Variants in NSMCE2 observed in about 807,000 individuals in gnomAD.
NSMCE2 encodes the protein NSE2 SUMO ligase component of SMC5/6 complex, also known as E3 SUMO-protein ligase NSE2.
Under a neutral mutation model 23.8 loss-of-function variants are expected in NSMCE2, and 24 were observed. That is an observed-to-expected ratio of 1.01 (90% CI 0.73 to 1.42). The LOEUF (loss-of-function observed/expected upper bound fraction) is 1.42. Ranked by LOEUF, NSMCE2 falls within the 40% of genes most tolerant of loss-of-function variation. The pLI is 0.00. For missense variants in NSMCE2, 284 were observed against 296.5 expected (o/e 0.96, Z 0.31); for synonymous variants, 92 against 94.1 (o/e 0.98, Z 0.13).
Position 125,299,804 on chromosome 8 carries a change from C to CTTTTTTTTTTTTTTT in NSMCE2, c.419-57402_419-57388dup, listed in dbSNP as rs58789139. Among the ~76,000 whole-genome samples, 21 of 70,264 alleles carry CTTTTTTTTTTTTTTT rather than the reference C, an allele frequency of 3.0e-4. 3 individuals carry two copies. The highest frequency in any genetic ancestry group is 1.1e-3 in the South Asian group (2 of 1,748). The allele number at this position is 70,264 out of a possible 152,430, so 46.1% of individuals were successfully genotyped here. A position where few individuals can be genotyped will look rare whatever the true frequency, so the allele number is the denominator to read the frequency against. ...ACCTTGACCTCATAATTTTGGCTTT[C>CTTTTTTTTTTTTTTT]TTTTTTTTTTTTTTTTTTTTTTTTT... On this transcript the variant is annotated intron_variant, in intron 5 of 7. Coordinates refer to ENST00000287437, the MANE Select transcript of NSMCE2 (RefSeq NM_173685.4).
intron 4 of NSMCE2, among the ~76,000 whole-genome samples, chr8:125,158,902 C>T (rs936953853): frequency 2.6e-5 from 4 of 152,280 alleles, no homozygotes; most frequent in African/African-American, 7.2e-5. Context: ...CATTTTTCAG[C>T]GTGGAGTTGA....
intron 3 of NSMCE2, among the ~76,000 whole-genome samples, chr8:125,105,279 C>G (rs544035370): frequency 4.9e-4 from 74 of 152,300 alleles, no homozygotes; most frequent in African/African-American, 1.6e-3. Context: ...TGTTTTAACC[C>G]TACCCAGTCT....
intron 5 of NSMCE2, among the ~76,000 whole-genome samples, chr8:125,328,650 A>G (rs1829764489): frequency 6.6e-6 from 1 of 152,200 alleles, no homozygotes; most frequent in Non-Finnish European, 1.5e-5. Flanking sequence ...CTGGTGCACA[A>G]ATTCTCAATG....
intron 1 of NSMCE2, among the ~76,000 whole-genome samples, chr8:125,093,556 A>ATAAG (rs202069533): frequency 6.6e-6 from 1 of 151,630 alleles, no homozygotes; most frequent in African/African-American, 2.4e-5. Context: ...AAATAAATAA[A>ATAAG]TAAGTAAATA....
intron 1 of NSMCE2, among the ~76,000 whole-genome samples, chr8:125,096,010 T>C (rs1817911936): frequency 6.6e-6 from 1 of 152,222 alleles, no homozygotes; most frequent in Non-Finnish European, 1.5e-5. Flanking sequence ...TAAATGGCTT[T>C]GCCCAGTTGA....
At chr8:125,203,902 T>A (rs1007521183) in intron 5 of NSMCE2, among the ~76,000 whole-genome samples, 9 of 152,266 alleles carry the variant, frequency 5.9e-5, no homozygotes, top group Admixed American at 2.0e-4. Flanking sequence ...GAAAAAAATT[T>A]AAAAAAATAA....
intron 3 of NSMCE2, chr8:125,124,317 G>A (rs1819411987): frequency 6.6e-6 from 1 of 152,024 alleles, no homozygotes; most frequent in Non-Finnish European, 1.5e-5. Context: ...ATTATAAATG[G>A]AATTGTTTTC....
rs188361005 is a variant in NSMCE2 at position 125,094,039 on chromosome 8, A to G, written c.-111+2081A>G. ...GGCTGGTCTTAAACTCCTGGCCTCA[A>G]GCAATCTTCCTGCCTTGCCCTTTCA... On this transcript the variant is annotated intron_variant, in intron 1 of 7. Transcript: ENST00000287437. 4.7e-4 allele frequency among the ~76,000 whole-genome samples: 72 copies of G among 151,916 alleles called. 1 individual carries two copies. The highest frequency in any genetic ancestry group is 3.4e-3 in the Middle Eastern group (1 of 294).
chr8:125,249,003 C>T (rs1444456763), intron 5 of NSMCE2, among the ~76,000 whole-genome samples: 3 of 152,080 alleles, frequency 2.0e-5, no homozygotes, highest in South Asian at 2.1e-4. Context: ...AACCTTGTCT[C>T]TACTAAAAAT....
intron 3 of NSMCE2, among the ~76,000 whole-genome samples, chr8:125,111,328 G>A (rs80039535): frequency 0.021 from 3,214 of 152,072 alleles, 133 homozygotes; most frequent in African/African-American, 0.074. Context: ...TTTTAAATCC[G>A]GGTGCTTTGG....
chr8:125,217,391 T>C (rs974919368), intron 5 of NSMCE2, among the ~76,000 whole-genome samples: 1 of 152,066 alleles, frequency 6.6e-6, no homozygotes, highest in African/African-American at 2.4e-5. Context: ...GATGGAGTCT[T>C]GCTGTGTCAC....
chr8:125,201,623 T>G (rs1182007175), intron 5 of NSMCE2, among the ~76,000 whole-genome samples: 1 of 152,214 alleles, frequency 6.6e-6, no homozygotes, highest in Admixed American at 6.5e-5. Context: ...CTGGGAGTTG[T>G]CTTCCAGTTA....
At position 125,170,356 on chromosome 8, in the gene NSMCE2, A is replaced by G. The variant is rs541592992; in HGVS notation, c.265-11747A>G. Among the ~76,000 whole-genome samples the G allele has an allele frequency of 1.7e-4, 23 of 139,236 alleles. No individual in the cohort carries two copies. The South Asian group carries it at 2.4e-3, about 14-fold the overall frequency. The allele number at this position is 139,236 out of a possible 152,430, so 91.3% of individuals were successfully genotyped here. On this transcript the variant is annotated intron_variant, in intron 4 of 7. Coordinates refer to ENST00000287437, the MANE Select transcript of NSMCE2 (RefSeq NM_173685.4). ...TTCACAGCCCATATCCAGTCCATCA[A>G]TAAACCTTACTCTTTATTTCTTTTT...
intron 5 of NSMCE2, among the ~76,000 whole-genome samples, chr8:125,296,866 G>A (rs1828351008): frequency 6.6e-6 from 1 of 152,124 alleles, no homozygotes; most frequent in Non-Finnish European, 1.5e-5. Context: ...CAGAGAATTT[G>A]CTAATTTTTT....
intron 5 of NSMCE2, among the ~76,000 whole-genome samples, chr8:125,219,678 C>G (rs886685630): frequency 1.3e-5 from 2 of 152,132 alleles, no homozygotes; most frequent in Non-Finnish European, 2.9e-5. Flanking sequence ...TCTGGAAAAG[C>G]TAGATTCTCA....
chr8:125,216,318 A>G (rs1824580589), intron 5 of NSMCE2, among the ~76,000 whole-genome samples: 1 of 152,142 alleles, frequency 6.6e-6, no homozygotes, highest in Non-Finnish European at 1.5e-5. Context: ...TTTTTTGTGT[A>G]TATATCAGAA....
intron 3 of NSMCE2, among the ~76,000 whole-genome samples, chr8:125,117,776 G>C (rs1466439769): frequency 6.6e-6 from 1 of 152,148 alleles, no homozygotes; most frequent in African/African-American, 2.4e-5. Context: ...TGAGGACAAA[G>C]ATCTCAGTGT....
Position 125,172,844 on chromosome 8 carries a change from C to T in NSMCE2, c.265-9259C>T, listed in dbSNP as rs1486774095. Among the ~76,000 whole-genome samples the T allele has an allele frequency of 3.9e-5, 6 of 152,322 alleles. No individual in the cohort carries two copies. In the East Asian group the frequency reaches 1.2e-3, roughly 29 times the overall value. On this transcript the variant is annotated intron_variant, in intron 4 of 7. Transcript: ENST00000287437. ...CATTCCATGTTCTTTTTGCCCTCAG[C>T]CAGCTCTCAGCTAATTGTAGATTTT...
At chr8:125,184,805 T>A (rs1379900960) in intron 5 of NSMCE2, among the ~76,000 whole-genome samples, 2 of 152,176 alleles carry the variant, frequency 1.3e-5, no homozygotes, top group Non-Finnish European at 2.9e-5. Flanking sequence ...CCCACAGTAT[T>A]TGTGTAGCCA....
Sources: allele counts gnomAD v4.1 joint callset (sites outside exome capture counted in the v4.1 genomes callset), GRCh38; gene constraint gnomAD v4.1.1; transcripts MANE v1.5; gene names NCBI Gene and HGNC (gene_info 2026-07-23, HGNC 2026-07-21).